The following ASPM variants were observed in gnomAD, a reference collection of about 807,000 sequenced individuals.
ASPM encodes the protein abnormal spindle-like microcephaly-associated protein.
A neutral mutation model predicts 366.4 loss-of-function variants in ASPM; 256 were observed. That is an observed-to-expected ratio of 0.70 (90% CI 0.63 to 0.77). ASPM has a LOEUF of 0.77. Among genes scored for constraint, ASPM ranks in the 30% least tolerant of loss-of-function variants. ASPM has a pLI of 0.00. For synonymous variants in ASPM, 1,414 were observed against 1,342.9 expected (o/e 1.05, Z -1.16); for missense variants, 4,146 against 4,090.4 (o/e 1.01, Z -0.37).
intron 17 of ASPM, among the ~76,000 whole-genome samples, chr1:197,108,990 A>T (rs1657497979): frequency 6.6e-6 from 1 of 151,400 alleles, no homozygotes; most frequent in East Asian, 1.9e-4. Flanking sequence ...AAAAAAAAAA[A>T]AAAGTCCAGA....
At chr1:197,136,066 G>C (rs1658410856) in intron 4 of ASPM, among the ~76,000 whole-genome samples, 2 of 152,204 alleles carry the variant, frequency 1.3e-5, no homozygotes, top group South Asian at 4.1e-4. Context: ...CAGAAAACTT[G>C]AAGGCCAGTA....
In ASPM at chr1:197,146,573, T is replaced by C; in HGVS notation, c.-136A>G. The C allele has an allele frequency of 2.2e-6, 2 of 918,536 alleles. No homozygotes were observed. The highest frequency in any genetic ancestry group is 3.4e-6 in the Non-Finnish European group (2 of 595,704). The allele number at this position is 918,536 out of a possible 1,614,324, so 56.9% of individuals were successfully genotyped here. A position where few individuals can be genotyped will look rare whatever the true frequency, so the allele number is the denominator to read the frequency against. On this transcript the variant is annotated 5_prime_UTR_variant, in exon 1 of 28. Transcript: ENST00000367409. ...GTCGTGGGAGTGAATTCGGCCCTTT[T>C]TCTTTTCCACTAACCTACTCCCTAG... is the stretch of plus-strand genomic sequence containing the variant.
Position 197,101,131 on chromosome 1 carries a change from T to A in ASPM, c.8120A>T (p.Asp2707Val), listed in dbSNP as rs752932617. 1 of 1,612,288 alleles carries A rather than the reference T, an allele frequency of 6.2e-7. No individual in the cohort carries two copies. Among genetic ancestry groups the A allele is most frequent in the South Asian group, 1.1e-5 (1 of 91,048 alleles). ...AATTGCAGTTTTCTTTGTTTCATAA[T>A]CAACTTTGGCCCTGTGCATTCGATA... ...SFYRMHRAKV[D>V]YETKKTAIVV... The change falls in exon 18 of 28, where the codon GAT (aspartate) becomes GTT (valine). Residue 2707 changes from aspartate to valine, a missense_variant. Asp to Val is a radical substitution (Grantham distance 152). Around this residue, in one of 3 missense-constraint regions of ASPM, gnomAD observed 3,624 missense variants for 3,591.7 expected, o/e 1.01. Coordinates refer to ENST00000367409, the MANE Select transcript of ASPM (RefSeq NM_018136.5).
chr1:197,106,728 T>C (rs1181866263), intron 17 of ASPM, among the ~76,000 whole-genome samples: 1 of 152,090 alleles, frequency 6.6e-6, no homozygotes, highest in Non-Finnish European at 1.5e-5. Context: ...AAGGAACACA[T>C]TACATACAAT....
chr1:197,120,535 GA>G (rs944436199), intron 16 of ASPM, among the ~76,000 whole-genome samples: 2 of 147,134 alleles, frequency 1.4e-5, no homozygotes, highest in Admixed American at 6.7e-5. Context: ...GTCTCCAAAA[GA>G]AAAAAAAAAT....
At position 197,103,694 on chromosome 1, in the gene ASPM, T is replaced by G. The variant is rs748866349; in HGVS notation, c.5557A>C (p.Lys1853Gln). The change falls in exon 18 of 28, where the codon AAG (lysine) becomes CAG (glutamine). Residue 1853 changes from lysine (K) to glutamine (Q), a missense_variant. This residue lies in a region of ASPM where 3,624 missense variants were observed against 3,591.7 expected (regional missense o/e 1.01). Coordinates refer to ENST00000367409, the MANE Select transcript of ASPM (RefSeq NM_018136.5). ...KYQSVLQSII[K>Q]IQRWYRAYKT... is the part of the protein sequence containing the mutation. ...TACGCCCTGTACCATCTCTGAATCTTTATTATAGATTGAAGCACAGATTGA... is the reference window on the plus strand; with the variant it reads ...TACGCCCTGTACCATCTCTGAATCTGTATTATAGATTGAAGCACAGATTGA... 2 of 1,612,924 alleles carry G rather than the reference T, an allele frequency of 1.2e-6. No individual in the cohort carries two copies. Among genetic ancestry groups the G allele is most frequent in the Non-Finnish European group, 1.7e-6 (2 of 1,179,376 alleles).
At chr1:197,090,498 C>A in intron 23 of ASPM, 110 bp from the exon 24 acceptor site, 1 of 902,538 alleles carries the variant, frequency 1.1e-6, no homozygotes, top group Non-Finnish European at 1.7e-6. Context: ...TTGACATGAT[C>A]ACATACATTT....
intron 19 of ASPM, among the ~76,000 whole-genome samples, chr1:197,095,273 C>T (rs1196301864): frequency 6.6e-6 from 1 of 151,652 alleles, no homozygotes; most frequent in African/African-American, 2.4e-5. Context: ...CTCTGGTAAC[C>T]AACATTCTAC....
chr1:197,121,221 T>G (rs962965264), intron 16 of ASPM, among the ~76,000 whole-genome samples: 22 of 152,252 alleles, frequency 1.4e-4, no homozygotes, highest in African/African-American at 4.3e-4. Context: ...TTTGTTCAAC[T>G]TGATCAAGGA....
Position 197,100,567 on chromosome 1 carries a change from GC to G in ASPM, c.8683del (p.Ala2895HisfsTer43), listed in dbSNP as rs1657120560. The G allele has an allele frequency of 6.2e-7, 1 of 1,611,804 alleles. No homozygotes were observed. The highest frequency in any genetic ancestry group is 8.5e-7 in the Non-Finnish European group (1 of 1,178,758). ...AAVVLQNHYR[A>X]FLSAKHQRQV... ...TCTTTGATGTTTTGCAGACAGAAAT[GC>G]TCTGTAGTGATTTTGTAAAACCACT... On this transcript the variant is annotated frameshift_variant, in exon 18 of 28. Coordinates refer to ENST00000367409, the MANE Select transcript of ASPM (RefSeq NM_018136.5). LOFTEE classifies it high-confidence loss of function.
intron 1 of ASPM, among the ~76,000 whole-genome samples, chr1:197,144,981 A>G (rs1468341969): frequency 6.6e-6 from 1 of 152,182 alleles, no homozygotes; most frequent in African/African-American, 2.4e-5. Context: ...AACAAAAAAG[A>G]GTAAGTTGAA....
intron 16 of ASPM, among the ~76,000 whole-genome samples, chr1:197,121,270 G>T (rs530734743): frequency 9.2e-5 from 14 of 151,894 alleles, no homozygotes; most frequent in African/African-American, 1.4e-4. Context: ...AATTTTCTCA[G>T]AACTTAAGAA....
At chr1:197,112,187 A>T (rs1657606558) in intron 17 of ASPM, among the ~76,000 whole-genome samples, 1 of 152,166 alleles carries the variant, frequency 6.6e-6, no homozygotes, top group Admixed American at 6.6e-5. Flanking sequence ...CACAAGAAAG[A>T]ATGAAATCAC....
At chr1:197,129,822 T>G in intron 8 of ASPM, 93 bp downstream of exon 8, 1 of 1,482,688 alleles carries the variant, frequency 6.7e-7, no homozygotes, top group Non-Finnish European at 9.3e-7. Context: ...TTGGTTTCTT[T>G]GAGAAAGGAA....
rs587783238 is a variant in ASPM, at chr1:197,121,955, C to T, written c.3830G>A (p.Trp1277Ter). 6.2e-7 allele frequency: 1 copy of T among 1,611,440 alleles called. No individual in the cohort carries two copies. The highest frequency in any genetic ancestry group is 1.1e-5 in the South Asian group (1 of 91,020). ...IRAARLIQTT[W>*]RKYKLKTDLK... ...ATCTGTTTTTAGTTTATATTTTCTC[C>T]ATGTTGTTTGTATGAGTCGAGCAGC... Residue 1277 changes from tryptophan to a stop codon, truncating the protein, a stop_gained, in exon 16 of 28, where the codon TGG (tryptophan) becomes TAG (stop). Transcript: ENST00000367409. LOFTEE classifies it high-confidence loss of function.
At position 197,124,135 on chromosome 1, in the gene ASPM, G is replaced by T; in HGVS notation, c.3365C>A (p.Ala1122Asp). The change falls in exon 13 of 28, where the codon GCT becomes GAT. Residue 1122 changes from alanine to aspartate, a missense_variant. Physicochemically the swap from Ala to Asp is moderately radical, Grantham distance 126. Transcript: ENST00000367409. ...CTTTTTATTATAGAAGGCACAAACA[G>T]CATTTACCCAATCCATCAATAACTT... ...NIKLLMDWVNAVCAFYNKKVE... is the reference protein window; with the variant it reads ...NIKLLMDWVNDVCAFYNKKVE... 6.2e-7 allele frequency: 1 copy of T among 1,611,888 alleles called. No individual in the cohort carries two copies. Among genetic ancestry groups the T allele is most frequent in the Non-Finnish European group, 8.5e-7 (1 of 1,178,570 alleles).
At chr1:197,110,723 A>G (rs576478513) in intron 17 of ASPM, among the ~76,000 whole-genome samples, 2 of 152,174 alleles carry the variant, frequency 1.3e-5, no homozygotes, top group South Asian at 4.1e-4. Context: ...AAGAAATACT[A>G]GAAACAGAAT....
chr1:197,107,002 A>G (rs1657432585), intron 17 of ASPM, among the ~76,000 whole-genome samples: 2 of 152,036 alleles, frequency 1.3e-5, no homozygotes, highest in South Asian at 2.1e-4. Flanking sequence ...TCCTCATACA[A>G]AAGAGTTTCT....
At chr1:197,097,275 C>T (rs528213940) in intron 18 of ASPM, among the ~76,000 whole-genome samples, 105 of 151,842 alleles carry the variant, frequency 6.9e-4, no homozygotes, top group African/African-American at 2.4e-3. Flanking sequence ...TGTAATGCAT[C>T]TCTTACTTGA....
Sources: allele counts gnomAD v4.1 joint callset (sites outside exome capture counted in the v4.1 genomes callset), GRCh38; gene constraint gnomAD v4.1.1; regional missense constraint gnomAD v4.1.1; transcripts MANE v1.5; gene names NCBI Gene and HGNC (gene_info 2026-07-23, HGNC 2026-07-21).